APPL2: variants seen among roughly 807,000 people sequenced by gnomAD.
The protein encoded by APPL2 is adaptor protein, phosphotyrosine interacting with PH domain and leucine zipper 2.
Under a neutral mutation model 92.7 loss-of-function variants are expected in APPL2, and 84 were observed. That is an observed-to-expected ratio of 0.91 (90% confidence interval 0.76 to 1.09). The LOEUF (loss-of-function observed/expected upper bound fraction) is 1.09. Ranked by LOEUF, APPL2 falls within the 50% of genes least tolerant of loss-of-function variation. The pLI is 0.00. For synonymous variants in APPL2, 291 were observed against 291.0 expected (o/e 1.00, Z 0.00); for missense variants, 736 against 824.5 (o/e 0.89, Z 1.31).
rs185852513 is a variant in APPL2 at position 105,218,326 on chromosome 12, A to G, written c.154-601T>C. The stretch of plus-strand genomic sequence containing the variant: ...CCTTCTGGTCAGTCAGTCCATAAAG[A>G]AATGTAGTGAGCAATTATAATGTGC... On this transcript the variant is annotated intron_variant, in intron 2 of 20. Coordinates refer to ENST00000258530, the MANE Select transcript of APPL2 (RefSeq NM_018171.5). 4.6e-3 allele frequency among the ~76,000 whole-genome samples: 706 copies of G among 152,354 alleles called. 2 individuals are homozygous for G. The highest frequency in any genetic ancestry group is 6.4e-3 in the Non-Finnish European group (436 of 68,028).
At position 105,208,047 on chromosome 12, in the gene APPL2, T is replaced by A; in HGVS notation, c.416-18A>T. 6.2e-7 allele frequency: 1 copy of A among 1,614,056 alleles called. No homozygotes were observed. The highest frequency in any genetic ancestry group is 8.5e-7 in the Non-Finnish European group (1 of 1,179,978). Reference sequence around the variant, plus strand: ...GTCATGCTCTAAAAATAAACAGACATCTGAACACCCAGGAGGGTCAGGGTC... The same window carrying A: ...GTCATGCTCTAAAAATAAACAGACAACTGAACACCCAGGAGGGTCAGGGTC... On this transcript the variant is annotated intron_variant, in intron 6 of 20. Coordinates refer to ENST00000258530, the MANE Select transcript of APPL2 (RefSeq NM_018171.5).
At chr12:105,231,362 C>T (rs147475910) in intron 1 of APPL2, among the ~76,000 whole-genome samples, 190 of 152,274 alleles carry the variant, frequency 1.2e-3, no homozygotes, top group African/African-American at 4.3e-3. Flanking sequence ...CTAAAATTAC[C>T]ACTTACTCTG....
chr12:105,224,871 AAAGTACTTTT>A (rs148390533), intron 2 of APPL2, among the ~76,000 whole-genome samples: 25,787 of 152,086 alleles, frequency 0.17, 2,450 homozygotes, highest in East Asian at 0.26. Flanking sequence ...ATTCTAAAGA[AAAGTACTTTT>A]TTCTTTATAT....
chr12:105,221,863 A>G (rs997001228), intron 2 of APPL2, among the ~76,000 whole-genome samples: 2 of 152,266 alleles, frequency 1.3e-5, no homozygotes, highest in African/African-American at 2.4e-5. Context: ...TGGCAAAGGA[A>G]TGTTTATCTT....
chr12:105,189,764 T>G lies in APPL2; in HGVS notation c.1459+8A>C. The G allele has an allele frequency of 6.2e-7, 1 of 1,614,088 alleles. No individual in the cohort carries two copies. Among genetic ancestry groups the G allele is most frequent in the South Asian group, 1.1e-5 (1 of 91,084 alleles). Reference sequence around the variant, plus strand: ...GGAAAGAATAAGGACACCAAACTAGTCACTTACCTTCTGCTTCTGGAAATG... The same window carrying G: ...GGAAAGAATAAGGACACCAAACTAGGCACTTACCTTCTGCTTCTGGAAATG... On this transcript the variant is annotated splice_region_variant and intron_variant, in intron 16 of 20. Coordinates refer to ENST00000258530, the MANE Select transcript of APPL2 (RefSeq NM_018171.5).
At chr12:105,197,358 C>T (rs2135966720) in intron 11 of APPL2, among the ~76,000 whole-genome samples, 1 of 152,330 alleles carries the variant, frequency 6.6e-6, no homozygotes, top group Admixed American at 6.5e-5. Flanking sequence ...GGAAAAATGG[C>T]CTTCTCAGGA....
chr12:105,200,804 G>A (rs2135980829), intron 9 of APPL2, among the ~76,000 whole-genome samples: 1 of 152,160 alleles, frequency 6.6e-6, no homozygotes, highest in African/African-American at 2.4e-5. Context: ...CGTTGGGCTT[G>A]GACATTCCAT....
At chr12:105,212,044 G>A (rs377654179) in intron 4 of APPL2, among the ~76,000 whole-genome samples, 2 of 149,772 alleles carry the variant, frequency 1.3e-5, no homozygotes, top group Non-Finnish European at 3.0e-5. Context: ...GTGTGAACCC[G>A]GGAGGTGGAG....
At chr12:105,192,043 G>A (rs1311785174) in intron 14 of APPL2, among the ~76,000 whole-genome samples, 1 of 150,604 alleles carries the variant, frequency 6.6e-6, no homozygotes, top group African/African-American at 2.5e-5. Context: ...CAACTCATTT[G>A]GGATGTTTCA....
chr12:105,224,017 CA>C (rs1890314852), intron 2 of APPL2, among the ~76,000 whole-genome samples: 1 of 152,176 alleles, frequency 6.6e-6, no homozygotes, highest in Non-Finnish European at 1.5e-5. Context: ...CAAGGTCACA[CA>C]CTTAACTCCT....
At chr12:105,180,169 G>GCTGGA (rs1885978416) in intron 17 of APPL2, among the ~76,000 whole-genome samples, 1 of 152,088 alleles carries the variant, frequency 6.6e-6, no homozygotes, top group Non-Finnish European at 1.5e-5. Flanking sequence ...AAGAGGAAGG[G>GCTGGA]GTCCAGTTTC....
Position 105,217,693 on chromosome 12 carries a change from A to C in APPL2, c.186T>G (p.Ser62=). The change falls in exon 3 of 21, where the codon TCT becomes TCG. Residue 62 remains serine (S), a synonymous_variant. Transcript: ENST00000258530. ...NEMCLATQQL[S]KQLLAYEKQN... The stretch of plus-strand genomic sequence containing the variant: ...GTTTTTCATATGCCAGCAGTTGCTT[A>C]GAAAGCTGTTGTGTGGCCAGGCACA... 6.2e-7 allele frequency: 1 copy of C among 1,614,060 alleles called. No individual in the cohort carries two copies. Among genetic ancestry groups the C allele is most frequent in the Non-Finnish European group, 8.5e-7 (1 of 1,180,048 alleles).
intron 17 of APPL2, among the ~76,000 whole-genome samples, chr12:105,181,155 T>C (rs953611882): frequency 6.6e-6 from 1 of 152,108 alleles, no homozygotes; most frequent in African/African-American, 2.4e-5. Flanking sequence ...GTTTATTGAG[T>C]GTTTTTAGCA....
intron 14 of APPL2, among the ~76,000 whole-genome samples, chr12:105,194,685 C>T (rs779894786): frequency 4.0e-4 from 60 of 150,678 alleles, no homozygotes; most frequent in African/African-American, 1.4e-3. Flanking sequence ...AGTGAGACTC[C>T]GTCTCGAAAA....
rs1349582041 is a variant in APPL2 at position 105,189,764 on chromosome 12, T to C, written c.1459+8A>G. 6.2e-7 allele frequency: 1 copy of C among 1,613,970 alleles called. No individual in the cohort carries two copies. Among genetic ancestry groups the C allele is most frequent in the Admixed American group, 1.7e-5 (1 of 60,004 alleles). On this transcript the variant is annotated splice_region_variant and intron_variant, in intron 16 of 20. Coordinates refer to ENST00000258530, the MANE Select transcript of APPL2 (RefSeq NM_018171.5). Reference sequence around the variant, plus strand: ...GGAAAGAATAAGGACACCAAACTAGTCACTTACCTTCTGCTTCTGGAAATG... The same window carrying C: ...GGAAAGAATAAGGACACCAAACTAGCCACTTACCTTCTGCTTCTGGAAATG...
intron 1 of APPL2, among the ~76,000 whole-genome samples, chr12:105,234,104 C>T (rs185896406): frequency 4.1e-4 from 62 of 152,258 alleles, no homozygotes; most frequent in African/African-American, 1.4e-3. Context: ...ATCAAGAGCC[C>T]TCTTAAGGGT....
At chr12:105,191,796 CAG>C (rs1887223490) in intron 14 of APPL2, among the ~76,000 whole-genome samples, 1 of 152,176 alleles carries the variant, frequency 6.6e-6, no homozygotes, top group East Asian at 1.9e-4. Flanking sequence ...CCACATTTTA[CAG>C]AGTTTCCTTC....
In APPL2 at chr12:105,195,398, C is replaced by T. The variant is rs756609466; in HGVS notation, c.1152+47G>A. The T allele has an allele frequency of 2.5e-6, 4 of 1,614,112 alleles. No homozygotes were observed. In the South Asian group the frequency reaches 4.4e-5, roughly 18 times the overall value. ...CTCAGTCCCAGGAGGTGGACGCTTA[C>T]CTTCCAGGTTGAGAAAAGGGCTGAG... On this transcript the variant is annotated intron_variant, in intron 13 of 20. Transcript: ENST00000258530.
At chr12:105,201,288 C>T (rs901681210) in intron 9 of APPL2, among the ~76,000 whole-genome samples, 8 of 152,124 alleles carry the variant, frequency 5.3e-5, no homozygotes, top group Non-Finnish European at 8.8e-5. Flanking sequence ...CCATTGGTGG[C>T]CTTAAGACAG....
Sources: allele counts gnomAD v4.1 joint callset (sites outside exome capture counted in the v4.1 genomes callset), GRCh38; gene constraint gnomAD v4.1.1; transcripts MANE v1.5; gene names NCBI Gene and HGNC (gene_info 2026-07-23, HGNC 2026-07-21).